The following NBAS variants were observed in gnomAD, a reference collection of about 807,000 sequenced individuals.
NBAS encodes the protein NBAS subunit of NRZ tethering complex.
In NBAS, 219 loss-of-function variants were observed where a neutral mutation model predicts 302.5. The observed-to-expected ratio is 0.72, with a 90% CI of 0.65 to 0.81. The LOEUF is 0.81. Among genes scored for constraint, NBAS ranks in the 30% least tolerant of loss-of-function variants. The probability of loss-of-function intolerance (pLI) is 0.00; values close to 1 mark genes in which losing one functional copy is unlikely to be tolerated. For missense variants in NBAS, 2,932 were observed against 2,841.6 expected (o/e 1.03, Z -0.72); for synonymous variants, 1,118 against 1,021.6 (o/e 1.09, Z -1.80).
the NBAS span, among the ~76,000 whole-genome samples, chr2:15,093,360 G>A: frequency 7.9e-5 from 12 of 152,034 alleles, no homozygotes; most frequent in Non-Finnish European, 1.3e-4. Context: ...TGGTTGCAGT[G>A]AGCCGAGATC....
the NBAS span, among the ~76,000 whole-genome samples, chr2:14,804,343 C>T: frequency 6.6e-6 from 1 of 152,172 alleles, no homozygotes; most frequent in Admixed American, 6.5e-5. Flanking sequence ...TGCTGAAGTG[C>T]TGTCTGGTGT....
At chr2:14,986,045 C>T in the NBAS span, among the ~76,000 whole-genome samples, 1 of 152,160 alleles carries the variant, frequency 6.6e-6, no homozygotes, top group East Asian at 1.9e-4. Flanking sequence ...TCCTTTTAAG[C>T]GCAATGCATT....
intron 35 of NBAS, among the ~76,000 whole-genome samples, chr2:15,333,665 C>T (rs1672449579): frequency 1.3e-5 from 2 of 150,738 alleles, no homozygotes; most frequent in South Asian, 4.2e-4. Context: ...TAAAAAGGGC[C>T]CAAGATAAAT....
At chr2:14,897,348 ATCCAC>A in the NBAS span, among the ~76,000 whole-genome samples, 6 of 152,168 alleles carry the variant, frequency 3.9e-5, no homozygotes, top group Non-Finnish European at 8.8e-5. Flanking sequence ...TTATTTAAAT[ATCCAC>A]TTTTCTCTGC....
the NBAS span, among the ~76,000 whole-genome samples, chr2:14,922,031 G>A: frequency 6.6e-6 from 1 of 152,128 alleles, no homozygotes; most frequent in African/African-American, 2.4e-5. Flanking sequence ...TTAAGAAATT[G>A]AAAGCTCCTA....
chr2:15,415,456 T>C, intron 25 of NBAS, 90 bp downstream of exon 25: 2 of 1,212,488 alleles, frequency 1.6e-6, no homozygotes, highest in South Asian at 1.3e-5. Context: ...GGAAATTATC[T>C]GCAAAGCCTA....
chr2:14,813,393 A>C, the NBAS span, among the ~76,000 whole-genome samples: 1 of 152,314 alleles, frequency 6.6e-6, no homozygotes, highest in East Asian at 1.9e-4. Context: ...AGAGGGTCTC[A>C]GATGGAGATG....
the NBAS span, among the ~76,000 whole-genome samples, chr2:15,113,014 A>G: frequency 6.6e-6 from 1 of 152,160 alleles, no homozygotes; most frequent in Non-Finnish European, 1.5e-5. Context: ...CAACATAGAC[A>G]TAGTACAATG....
chr2:15,248,120 A>G (rs1482948961), intron 44 of NBAS, among the ~76,000 whole-genome samples: 1 of 152,250 alleles, frequency 6.6e-6, no homozygotes, highest in African/African-American at 2.4e-5. Context: ...GCCACAGTGC[A>G]ATCAAATTAG....
the NBAS span, among the ~76,000 whole-genome samples, chr2:15,001,106 T>C: frequency 6.6e-6 from 1 of 152,150 alleles, no homozygotes; most frequent in East Asian, 1.9e-4. Flanking sequence ...ATAGGCTTGA[T>C]GACACGTTAT....
chr2:15,121,608 T>C, the NBAS span, among the ~76,000 whole-genome samples: 1 of 152,206 alleles, frequency 6.6e-6, no homozygotes, highest in Non-Finnish European at 1.5e-5. Flanking sequence ...AAATTTAGCT[T>C]TTCCTTCAAT....
At chr2:14,953,670 G>A in the NBAS span, among the ~76,000 whole-genome samples, 8 of 152,264 alleles carry the variant, frequency 5.3e-5, no homozygotes, top group Non-Finnish European at 7.3e-5. Context: ...CAGGGGCTCC[G>A]TGTCCAGACT....
the NBAS span, among the ~76,000 whole-genome samples, chr2:14,946,652 G>C: frequency 6.6e-6 from 1 of 152,144 alleles, no homozygotes; most frequent in African/African-American, 2.4e-5. Flanking sequence ...AAACAAAGAA[G>C]CATGAGAGTT....
intron 6 of NBAS, among the ~76,000 whole-genome samples, chr2:15,540,736 T>C: frequency 6.6e-6 from 1 of 151,974 alleles, no homozygotes. Flanking sequence ...TTTGTTTTTT[T>C]TTTTGAGATA....
intron 42 of NBAS, among the ~76,000 whole-genome samples, chr2:15,286,002 C>T (rs1670025310): frequency 6.6e-6 from 1 of 152,196 alleles, no homozygotes. Context: ...TACCTTACTT[C>T]ATTGGGTGCT....
intron 28 of NBAS, 130 bp downstream of exon 28, chr2:15,394,097 T>C: frequency 9.4e-7 from 1 of 1,059,132 alleles, no homozygotes; most frequent in Non-Finnish European, 1.3e-6. Flanking sequence ...ACTTATCAAA[T>C]TATACTTACA....
chr2:14,875,136 C>A, the NBAS span, among the ~76,000 whole-genome samples: 1 of 151,828 alleles, frequency 6.6e-6, no homozygotes, highest in South Asian at 2.1e-4. Context: ...GGATATTTGG[C>A]AGAAAAAGAA....
the NBAS span, among the ~76,000 whole-genome samples, chr2:15,042,015 T>C: frequency 6.6e-6 from 1 of 152,218 alleles, no homozygotes; most frequent in Non-Finnish European, 1.5e-5. Flanking sequence ...GCTTCACATG[T>C]TCCTCTATTT....
At chr2:14,901,988 A>G in the NBAS span, among the ~76,000 whole-genome samples, 5 of 152,330 alleles carry the variant, frequency 3.3e-5, no homozygotes, top group African/African-American at 1.2e-4. Flanking sequence ...CTCCCACCAG[A>G]AAATGCACCA....
Sources: gnomAD v4.1 joint callset for allele counts (sites outside exome capture counted in the v4.1 genomes callset) on GRCh38, gnomAD v4.1.1 for gene constraint, MANE v1.5 for transcripts, NCBI Gene and HGNC (gene_info 2026-07-23, HGNC 2026-07-21) for gene names.